STXBP5: variants seen among roughly 807,000 people sequenced by gnomAD.
STXBP5 encodes the protein syntaxin binding protein 5, also known as syntaxin-binding protein 5.
STXBP5 carries 50 observed loss-of-function variants against 152.4 expected under a neutral mutation model. That is an observed-to-expected ratio of 0.33 (90% CI 0.26 to 0.42). STXBP5 has a LOEUF of 0.42. Ranked by LOEUF, STXBP5 falls within the 10% of genes least tolerant of loss-of-function variation. The pLI, the probability that STXBP5 is intolerant of heterozygous loss-of-function variation, is 1.00. For synonymous variants in STXBP5, 492 were observed against 494.7 expected (o/e 0.99, Z 0.07); for missense variants, 1,167 against 1,388.6 (o/e 0.84, Z 2.54).
Position 147,300,970 on chromosome 6 carries a change from T to G in STXBP5, c.918-9114T>G, listed in dbSNP as rs1054712710. On this transcript the variant is annotated intron_variant, in intron 9 of 27. Coordinates refer to ENST00000321680, the MANE Select transcript of STXBP5 (RefSeq NM_001127715.4). ...GTTCAATAGCCAAAAAAAAAAAATC[T>G]GATAAAAATTGGGCAGAAAACCTTT... 1.2e-4 allele frequency among the ~76,000 whole-genome samples: 18 copies of G among 149,404 alleles called. 1 individual carries two copies. Among genetic ancestry groups the G allele is most frequent in the African/African-American group, 4.2e-4 (17 of 40,802 alleles).
In STXBP5 at chr6:147,387,359, T is replaced by A. The variant is rs1786390481; in HGVS notation, c.*2604T>A. 1 of 151,564 alleles carries A rather than the reference T, an allele frequency of 6.6e-6. No homozygotes were observed. Among genetic ancestry groups the A allele is most frequent in the Admixed American group, 6.6e-5 (1 of 15,188 alleles). 9.4% of individuals were successfully genotyped at this position (151,564 alleles called of 1,614,324 possible). ...AGAAAATATCAGAAAAATGAAAGAT[T>A]TTTGTGTGCCCTCTCCATATCCTCA... On this transcript the variant is annotated 3_prime_UTR_variant, in exon 28 of 28. Coordinates refer to ENST00000321680, the MANE Select transcript of STXBP5 (RefSeq NM_001127715.4).
chr6:147,227,411 G>A (rs1777775067), intron 2 of STXBP5, among the ~76,000 whole-genome samples: 1 of 152,088 alleles, frequency 6.6e-6, no homozygotes, highest in South Asian at 2.1e-4. Context: ...ACTGTTTCTG[G>A]TCATGTTGCT....
intron 2 of STXBP5, among the ~76,000 whole-genome samples, chr6:147,210,931 CTTCAT>C (rs1041381522): frequency 3.9e-5 from 6 of 152,090 alleles, no homozygotes; most frequent in African/African-American, 1.4e-4. Context: ...GTAGGAAGGA[CTTCAT>C]TTCATTTATT....
intron 4 of STXBP5, among the ~76,000 whole-genome samples, chr6:147,246,189 C>A (rs185485524): frequency 2.5e-3 from 378 of 152,256 alleles, no homozygotes; most frequent in African/African-American, 8.5e-3. Context: ...TAGCTTAATA[C>A]CTTGTTTTTT....
At chr6:147,286,110 A>C (rs904658152) in intron 8 of STXBP5, among the ~76,000 whole-genome samples, 2 of 152,168 alleles carry the variant, frequency 1.3e-5, no homozygotes, top group African/African-American at 4.8e-5. Flanking sequence ...ACAAGGGACT[A>C]CTTTTCAGAT....
intron 7 of STXBP5, among the ~76,000 whole-genome samples, chr6:147,275,847 G>C (rs956252607): frequency 6.6e-6 from 1 of 152,050 alleles, no homozygotes; most frequent in East Asian, 1.9e-4. Context: ...CTGAGCCACC[G>C]TGCCTGGCCA....
intron 19 of STXBP5, among the ~76,000 whole-genome samples, chr6:147,338,170 A>G (rs1783922714): frequency 6.6e-6 from 1 of 152,114 alleles, no homozygotes; most frequent in Non-Finnish European, 1.5e-5. Flanking sequence ...AGAATTCTAC[A>G]TGTAACGCAC....
intron 7 of STXBP5, among the ~76,000 whole-genome samples, chr6:147,276,731 G>A: frequency 6.6e-6 from 1 of 152,084 alleles, no homozygotes; most frequent in Non-Finnish European, 1.5e-5. Context: ...AATGTCATAT[G>A]TATATGTCAG....
chr6:147,345,970 C>T (rs935368082), intron 21 of STXBP5, among the ~76,000 whole-genome samples: 1 of 152,092 alleles, frequency 6.6e-6, no homozygotes, highest in Non-Finnish European at 1.5e-5. Context: ...CAATGACCCA[C>T]CTTAACAACC....
chr6:147,324,279 T>TTG (rs1554214601), intron 16 of STXBP5, among the ~76,000 whole-genome samples: 1 of 132,198 alleles, frequency 7.6e-6, no homozygotes, highest in East Asian at 2.1e-4. Flanking sequence ...TTTTTTTTTT[T>TTG]TTTTTTTTTT....
chr6:147,268,387 A>G (rs1221336283), intron 7 of STXBP5, among the ~76,000 whole-genome samples: 2 of 152,204 alleles, frequency 1.3e-5, no homozygotes, highest in Non-Finnish European at 2.9e-5. Context: ...GTTGTTTAAG[A>G]TAAAATACAT....
chr6:147,299,991 TAGTC>T (rs1198955512), intron 9 of STXBP5, among the ~76,000 whole-genome samples: 4 of 152,060 alleles, frequency 2.6e-5, no homozygotes, highest in African/African-American at 9.6e-5. Flanking sequence ...AAATGTATGG[TAGTC>T]AGTAACATTT....
intron 6 of STXBP5, among the ~76,000 whole-genome samples, chr6:147,263,302 T>G: frequency 6.6e-6 from 1 of 151,734 alleles, no homozygotes; most frequent in East Asian, 1.9e-4. Context: ...CAAGTCATTT[T>G]AATTCTTCCT....
chr6:147,213,593 T>C (rs1356650049), intron 2 of STXBP5, among the ~76,000 whole-genome samples: 1 of 152,020 alleles, frequency 6.6e-6, no homozygotes, highest in African/African-American at 2.4e-5. Flanking sequence ...TTAAAGATTA[T>C]GAGCTACTGT....
chr6:147,213,123 CTT>C (rs1776944443), intron 2 of STXBP5, among the ~76,000 whole-genome samples: 1 of 151,964 alleles, frequency 6.6e-6, no homozygotes, highest in Admixed American at 6.6e-5. Flanking sequence ...AGTGTAATAA[CTT>C]GGAGTAATAA....
chr6:147,312,322 T>C (rs1433203531), intron 11 of STXBP5, among the ~76,000 whole-genome samples: 1 of 152,226 alleles, frequency 6.6e-6, no homozygotes, highest in African/African-American at 2.4e-5. Context: ...TCATAGATGA[T>C]AATGTTTACT....
intron 9 of STXBP5, among the ~76,000 whole-genome samples, chr6:147,302,317 G>T (rs952863723): frequency 6.6e-6 from 1 of 152,104 alleles, no homozygotes; most frequent in Non-Finnish European, 1.5e-5. Context: ...AGGAGATTCT[G>T]AACAGGCACA....
intron 21 of STXBP5, among the ~76,000 whole-genome samples, chr6:147,344,823 C>A (rs1241897051): frequency 6.6e-6 from 1 of 152,012 alleles, no homozygotes; most frequent in Non-Finnish European, 1.5e-5. Context: ...TTATGTAATA[C>A]CTTGTATTCG....
intron 8 of STXBP5, among the ~76,000 whole-genome samples, chr6:147,288,248 G>A (rs1398456239): frequency 2.0e-5 from 3 of 152,170 alleles, no homozygotes; most frequent in Non-Finnish European, 4.4e-5. Context: ...GACAGCCACA[G>A]CACTTTGGGA....
Sources: gnomAD v4.1 joint callset for allele counts (sites outside exome capture counted in the v4.1 genomes callset) on GRCh38, gnomAD v4.1.1 for gene constraint, MANE v1.5 for transcripts, NCBI Gene and HGNC (gene_info 2026-07-23, HGNC 2026-07-21) for gene names.